The following CELF2 variants were observed in gnomAD, a reference collection of about 807,000 sequenced individuals.
The protein encoded by CELF2 is CUGBP Elav-like family member 2.
Under a neutral mutation model 62.6 loss-of-function variants are expected in CELF2, and 8 were observed. That is an observed-to-expected ratio of 0.13 (90% CI 0.07 to 0.23). CELF2 has a LOEUF of 0.23. Ranked by LOEUF, CELF2 falls within the 10% of genes least tolerant of loss-of-function variation. The pLI is 1.00. For synonymous variants in CELF2, 258 were observed against 250.0 expected, an observed-to-expected ratio of 1.03 and a Z score of -0.30; for missense variants, 333 against 671.0, an observed-to-expected ratio of 0.50 and a Z score of 5.56.
the CELF2 span, among the ~76,000 whole-genome samples, chr10:10,737,095 C>T: frequency 6.6e-6 from 1 of 152,096 alleles, no homozygotes; most frequent in Non-Finnish European, 1.5e-5. Context: ...ACTTATATGT[C>T]CTAATCAATG....
Position 11,212,736 on chromosome 10 carries a change from G to GT in CELF2, c.272-4689_272-4688insT, listed in dbSNP as rs1425979792. 5.0e-4 allele frequency among the ~76,000 whole-genome samples: 49 copies of GT among 97,632 alleles called. No homozygotes were observed. In the East Asian group the frequency reaches 0.022, roughly 44 times the overall value. 64.1% of individuals were successfully genotyped at this position (97,632 alleles called of 152,430 possible). A position where few individuals can be genotyped will look rare whatever the true frequency, so the allele number is the denominator to read the frequency against. On this transcript the variant is annotated intron_variant, in intron 2 of 12. Coordinates refer to ENST00000633077, the MANE Select transcript of CELF2 (RefSeq NM_001326342.2). ...AAGGATGGTGTTTTTTTGTGTTTTG[G>GT]GTTTTTTTTTTTTTTTTTTTTTGCT...
chr10:10,616,207 C>A, the CELF2 span, among the ~76,000 whole-genome samples: 2 of 151,856 alleles, frequency 1.3e-5, no homozygotes, highest in Non-Finnish European at 2.9e-5. Flanking sequence ...TTTGTAGTGA[C>A]TTTTACAGAT....
chr10:10,949,353 T>TA (rs1260550400), intron 2 of CELF2, among the ~76,000 whole-genome samples: 1 of 152,126 alleles, frequency 6.6e-6, no homozygotes, highest in Admixed American at 6.5e-5. Context: ...GCTGTGCCTC[T>TA]AGTGATCTCC....
the CELF2 span, among the ~76,000 whole-genome samples, chr10:10,725,036 G>GA: frequency 2.6e-5 from 4 of 152,146 alleles, no homozygotes; most frequent in Admixed American, 6.6e-5. Context: ...ATTCTGTTTT[G>GA]AAAATGTGTT....
In CELF2 at chr10:11,242,792, G is replaced by A. The variant is rs1301867345; in HGVS notation, c.355-6361G>A. Among the ~76,000 whole-genome samples the A allele has an allele frequency of 6.6e-6, 1 of 152,168 alleles. No individual in the cohort carries two copies. Among genetic ancestry groups the A allele is most frequent in the Non-Finnish European group, 1.5e-5 (1 of 68,026 alleles). On this transcript the variant is annotated intron_variant, in intron 3 of 12. Coordinates refer to ENST00000633077, the MANE Select transcript of CELF2 (RefSeq NM_001326342.2). This position sits in a 1 kb window ranked among gnomAD's most constrained non-coding sequence, Gnocchi z 4.8. Reference sequence around the variant, plus strand: ...CACTCAGCTCTGGGACCCTGTGTGTGTGTAGGGAGGGAGAAGAGGTGGGAG... The same window carrying A: ...CACTCAGCTCTGGGACCCTGTGTGTATGTAGGGAGGGAGAAGAGGTGGGAG...
intron 2 of CELF2, among the ~76,000 whole-genome samples, chr10:10,989,619 G>A: frequency 6.6e-6 from 1 of 151,960 alleles, no homozygotes; most frequent in South Asian, 2.1e-4. Context: ...TACTCTCAGG[G>A]TAGGTGAGAC....
chr10:11,003,653 G>A (rs1471087307), upstream of CELF2, among the ~76,000 whole-genome samples: 1 of 152,088 alleles, frequency 6.6e-6, no homozygotes, highest in Non-Finnish European at 1.5e-5. The surrounding 1 kb of genome is among the most constrained non-coding windows in gnomAD (Gnocchi z 4.4). Context: ...CCAGCACCGA[G>A]CACAAGTCAC....
At chr10:10,671,821 C>A in the CELF2 span, among the ~76,000 whole-genome samples, 4 of 152,122 alleles carry the variant, frequency 2.6e-5, no homozygotes, top group South Asian at 8.3e-4. Flanking sequence ...CCTCTGCCTC[C>A]CGAGTTCAAG....
chr10:11,253,035 G>C (rs2077607353), intron 4 of CELF2, among the ~76,000 whole-genome samples: 1 of 152,092 alleles, frequency 6.6e-6, no homozygotes, highest in African/African-American at 2.4e-5. Flanking sequence ...CGAGGTACCA[G>C]CTGTGCAGTA....
In CELF2 at chr10:11,288,417, G is replaced by A; in HGVS notation, c.842-1G>A. 1 of 1,614,020 alleles carries A rather than the reference G, an allele frequency of 6.2e-7. No homozygotes were observed. Among genetic ancestry groups the A allele is most frequent in the Non-Finnish European group, 8.5e-7 (1 of 1,180,012 alleles). On this transcript the variant is annotated splice_acceptor_variant, in intron 8 of 12. Transcript: ENST00000633077. LOFTEE classifies it high-confidence loss of function. ...AAAGTAACTTTCTCTTCCCTCCACA[G>A]GCATGAATGCTTTACAGTTGCAGAA...
the CELF2 span, among the ~76,000 whole-genome samples, chr10:10,738,537 C>T: frequency 5.9e-5 from 9 of 152,224 alleles, no homozygotes; most frequent in East Asian, 3.9e-4. Flanking sequence ...GCTGTCCCTC[C>T]GCAAGCCTCA....
chr10:11,148,443 A>G (rs201922762), intron 1 of CELF2, among the ~76,000 whole-genome samples: 2 of 152,222 alleles, frequency 1.3e-5, no homozygotes, highest in East Asian at 1.9e-4. Context: ...TCTTTAACCA[A>G]TAGAAATACA....
At chr10:10,903,727 C>T (rs2063115375) in intron 1 of CELF2, among the ~76,000 whole-genome samples, 1 of 152,212 alleles carries the variant, frequency 6.6e-6, no homozygotes, top group Admixed American at 6.5e-5. Flanking sequence ...CCCCCATTTC[C>T]TCCTGGTGGT....
the CELF2 span, among the ~76,000 whole-genome samples, chr10:10,674,229 A>G: frequency 6.6e-6 from 1 of 152,150 alleles, no homozygotes; most frequent in East Asian, 1.9e-4. Context: ...CACATTAAGA[A>G]CCATTGTCTT....
chr10:10,745,103 C>T, the CELF2 span, among the ~76,000 whole-genome samples: 1 of 133,742 alleles, frequency 7.5e-6, no homozygotes, highest in African/African-American at 2.8e-5. Flanking sequence ...TCCATCAAAA[C>T]CATGCCACGT....
chr10:10,523,114 G>A, the CELF2 span, among the ~76,000 whole-genome samples: 1 of 152,196 alleles, frequency 6.6e-6, no homozygotes, highest in East Asian at 1.9e-4. Flanking sequence ...CTGGAGAGAT[G>A]AGTCAGGGAA....
chr10:10,860,121 T>C lies in CELF2; in HGVS notation c.54-59843T>C, dbSNP rs926680604. Reference sequence around the variant, plus strand: ...TATATGGAACCAAAAAATAGAGAAGTGTGATTAGTTTTCACTTTTGTAAAT... The same window carrying C: ...TATATGGAACCAAAAAATAGAGAAGCGTGATTAGTTTTCACTTTTGTAAAT... On this transcript the variant is annotated intron_variant, in intron 1 of 13. Transcript: ENST00000636488. Among the ~76,000 whole-genome samples the C allele has an allele frequency of 1.8e-4, 27 of 152,170 alleles. 1 individual carries two copies. Among genetic ancestry groups the C allele is most frequent in the Admixed American group, 2.0e-4 (3 of 15,268 alleles).
chr10:10,543,626 C>A, the CELF2 span, among the ~76,000 whole-genome samples: 1 of 152,120 alleles, frequency 6.6e-6, no homozygotes, highest in Non-Finnish European at 1.5e-5. Flanking sequence ...GTGGGTGGAT[C>A]ACCTGAGGTC....
chr10:11,263,446 C>T (rs1003860218), intron 5 of CELF2, among the ~76,000 whole-genome samples: 4 of 152,022 alleles, frequency 2.6e-5, no homozygotes, highest in Admixed American at 2.0e-4. Flanking sequence ...TGTATATTTT[C>T]CCCCCAGCCT....
Sources: allele counts gnomAD v4.1 joint callset (sites outside exome capture counted in the v4.1 genomes callset), GRCh38; gene constraint gnomAD v4.1.1; non-coding constraint Gnocchi (gnomAD v3.1); transcripts MANE v1.5; gene names NCBI Gene and HGNC (gene_info 2026-07-23, HGNC 2026-07-21).